Variants in PIEZO1 observed in about 807,000 individuals in gnomAD.
PIEZO1 encodes the protein piezo type mechanosensitive ion channel component 1 (Er blood group).
Under a neutral mutation model 297.2 loss-of-function variants are expected in PIEZO1, and 296 were observed. That is an observed-to-expected ratio of 1.00 (90% CI 0.91 to 1.10). The LOEUF (loss-of-function observed/expected upper bound fraction) is 1.10. PIEZO1 is among the 50% of genes least tolerant of loss of function. The pLI, the probability that PIEZO1 is intolerant of heterozygous loss-of-function variation, is 0.00. For missense variants in PIEZO1, 5,018 were observed against 3,455.5 expected (o/e 1.45, Z -11.34); for synonymous variants, 2,427 against 1,507.5 (o/e 1.61, Z -14.13).
intron 1 of PIEZO1, among the ~76,000 whole-genome samples, chr16:88,760,504 G>C (rs912861503): frequency 2.6e-5 from 4 of 152,272 alleles, no homozygotes; most frequent in Admixed American, 1.3e-4. Flanking sequence ...TTTGTCCAAA[G>C]GCAACAGTGG....
At position 88,734,770 on chromosome 16, in the gene PIEZO1, A is replaced by G. The variant is rs1451236933; in HGVS notation, c.1877T>C (p.Leu626Pro). 1 of 1,550,246 alleles carries G rather than the reference A, an allele frequency of 6.5e-7. No homozygotes were observed. Among genetic ancestry groups the G allele is most frequent in the Admixed American group, 2.0e-5 (1 of 51,010 alleles). ...CACCACGAGCCACCAGAAGGCCTTG[A>G]GCAGCTTCCGCCACAGGCTGTAGTA... ...QVYYSLWRKL[L>P]KAFWWLVVAY... The change falls in exon 15 of 51, where the codon CTC (leucine) becomes CCC (proline). Residue 626 changes from leucine (L) to proline (P), a missense_variant. Coordinates refer to ENST00000301015, the MANE Select transcript of PIEZO1 (RefSeq NM_001142864.4).
intron 1 of PIEZO1, among the ~76,000 whole-genome samples, chr16:88,776,578 G>A (rs1907675974): frequency 6.6e-6 from 1 of 152,194 alleles, no homozygotes; most frequent in East Asian, 1.9e-4. Flanking sequence ...GGGGAGGAAG[G>A]GGAGAGGCTG....
Position 88,722,569 on chromosome 16 carries a change from AC to A in PIEZO1, c.4775+13del. On this transcript the variant is annotated intron_variant, in intron 35 of 50. Coordinates refer to ENST00000301015, the MANE Select transcript of PIEZO1 (RefSeq NM_001142864.4). ...AGGGGCAGCAGCTGGGGCTCGGGTC[AC>A]CCCCGCACCTACCTGGACACGGTGC... is the stretch of plus-strand genomic sequence containing the variant. 2.0e-6 allele frequency: 3 copies of A among 1,492,640 alleles called. No homozygotes were observed. The highest frequency in any genetic ancestry group is 1.8e-6 in the Non-Finnish European group (2 of 1,116,894). The allele number at this position is 1,492,640 out of a possible 1,614,324, so 92.5% of individuals were successfully genotyped here.
At chr16:88,744,536 G>A (rs1011057318) in intron 2 of PIEZO1, among the ~76,000 whole-genome samples, 1 of 151,460 alleles carries the variant, frequency 6.6e-6, no homozygotes, top group Admixed American at 6.6e-5. Flanking sequence ...CCCTGGGCAG[G>A]GAGGGGCTCT....
chr16:88,748,660 G>C (rs1320576871), intron 2 of PIEZO1, among the ~76,000 whole-genome samples: 1 of 152,130 alleles, frequency 6.6e-6, no homozygotes, highest in African/African-American at 2.4e-5. Flanking sequence ...CACTCCCTGT[G>C]GCCTCCCAAG....
Position 88,737,651 on chromosome 16 carries a change from G to A in PIEZO1, c.1108-5C>T, listed in dbSNP as rs576983834. 69 of 1,534,482 alleles carry A rather than the reference G, an allele frequency of 4.5e-5. No individual in the cohort carries two copies. The highest frequency in any genetic ancestry group is 1.2e-4 in the Admixed American group (6 of 50,996). On this transcript the variant is annotated splice_polypyrimidine_tract_variant and splice_region_variant and intron_variant, in intron 9 of 50. Coordinates refer to ENST00000301015, the MANE Select transcript of PIEZO1 (RefSeq NM_001142864.4). ...GGGTGCTGTGGGCACCACGTGCTGT[G>A]GGCAAGCAGCGCTGAGCCATGCACG...
At chr16:88,723,410 G>T in intron 31 of PIEZO1, 82 bp from the exon 32 acceptor site, 1 of 1,463,896 alleles carries the variant, frequency 6.8e-7, no homozygotes, top group Non-Finnish European at 9.2e-7. Context: ...CAAGCCGGGC[G>T]CCAGATCCAG....
At position 88,720,705 on chromosome 16, in the gene PIEZO1, C is replaced by G; in HGVS notation, c.5712G>C (p.Glu1904Asp). ...REEEEGEEEKEAPTGREKRPS... is the reference protein window; with the variant it reads ...REEEEGEEEKDAPTGREKRPS... ...GCCTCTTCTCTCTCCCCGTGGGGGC[C>G]TCTTTCTCTTCCTCCCCCTCTTCTT... Residue 1904 changes from glutamate (E) to aspartate (D), a missense_variant, in exon 40 of 51, where the codon GAG becomes GAC. Coordinates refer to ENST00000301015, the MANE Select transcript of PIEZO1 (RefSeq NM_001142864.4). 6.5e-7 allele frequency: 1 copy of G among 1,534,996 alleles called. No individual in the cohort carries two copies.
At chr16:88,779,412 G>A (rs1314039479) in intron 1 of PIEZO1, among the ~76,000 whole-genome samples, 1 of 152,184 alleles carries the variant, frequency 6.6e-6, no homozygotes, top group Non-Finnish European at 1.5e-5. Flanking sequence ...TTCCCCGCCT[G>A]TGCTCAGCAT....
Position 88,725,384 on chromosome 16 carries a change from GGCCCTGGGT to G in PIEZO1, c.4162+23_4162+31del. 3.9e-6 allele frequency: 5 copies of G among 1,275,370 alleles called. No individual in the cohort carries two copies. In the South Asian group the frequency reaches 7.7e-5, roughly 20 times the overall value. The allele number at this position is 1,275,370 out of a possible 1,614,324, so 79.0% of individuals were successfully genotyped here. A position where few individuals can be genotyped will look rare whatever the true frequency, so the allele number is the denominator to read the frequency against. ...GCAGGCACAGACATGCTGGACACGG[GGCCCTGGGT>G]GCCCGACTCCAGCTGCACTCACCTG... On this transcript the variant is annotated intron_variant, in intron 29 of 50. Coordinates refer to ENST00000301015, the MANE Select transcript of PIEZO1 (RefSeq NM_001142864.4).
intron 22 of PIEZO1, among the ~76,000 whole-genome samples, chr16:88,728,453 G>A (rs988937219): frequency 1.1e-4 from 17 of 150,198 alleles, no homozygotes; most frequent in Admixed American, 7.9e-4. Context: ...TGCCACAGAG[G>A]GAACCTCGCG....
intron 1 of PIEZO1, among the ~76,000 whole-genome samples, chr16:88,777,483 GTCC>G (rs1907719423): frequency 1.3e-5 from 2 of 151,954 alleles, no homozygotes; most frequent in Admixed American, 6.6e-5. Context: ...ACATTGCGGG[GTCC>G]TCATTGTCAC....
chr16:88,730,810 G>A (rs753842992), intron 22 of PIEZO1, among the ~76,000 whole-genome samples: 18 of 152,308 alleles, frequency 1.2e-4, no homozygotes, highest in Admixed American at 2.0e-4. Flanking sequence ...CAGGGTCTGC[G>A]GATGACAGAA....
At chr16:88,780,315 C>T (rs1400129313) in intron 1 of PIEZO1, among the ~76,000 whole-genome samples, 3 of 152,266 alleles carry the variant, frequency 2.0e-5, no homozygotes, top group African/African-American at 7.2e-5. Context: ...GCTCAACAGC[C>T]GCACCCTGAA....
At chr16:88,738,529 C>G (rs567935600) in intron 6 of PIEZO1, 39 bp downstream of exon 6, 11 of 1,530,858 alleles carry the variant, frequency 7.2e-6, no homozygotes, top group Non-Finnish European at 9.6e-6. Flanking sequence ...CAAGACCCCT[C>G]CCAGTGTGAC....
Position 88,725,645 on chromosome 16 carries a change from A to T in PIEZO1, c.4008T>A (p.Ile1336=), listed in dbSNP as rs746600668. ...ALYNAANLKS[I]DFHRRIEEKS... ...TCTCCTCTATCCTGCGGTGAAAGTCAATGCTCTTGAGGTTGGCAGCGTTGT... is the reference window on the plus strand; with the variant it reads ...TCTCCTCTATCCTGCGGTGAAAGTCTATGCTCTTGAGGTTGGCAGCGTTGT... Residue 1336 remains isoleucine (I), a synonymous_variant, in exon 28 of 51, where the codon ATT becomes ATA. Coordinates refer to ENST00000301015, the MANE Select transcript of PIEZO1 (RefSeq NM_001142864.4). 2.0e-5 allele frequency: 31 copies of T among 1,549,428 alleles called. No individual in the cohort carries two copies. The highest frequency in any genetic ancestry group is 1.7e-4 in the Middle Eastern group (1 of 6,006).
At chr16:88,784,502 A>C (rs1293067426) in intron 1 of PIEZO1, among the ~76,000 whole-genome samples, 1 of 151,698 alleles carries the variant, frequency 6.6e-6, no homozygotes, top group Non-Finnish European at 1.5e-5. Context: ...TTTTTTTTAA[A>C]CCCGAAAGAG....
intron 44 of PIEZO1, chr16:88,717,980 G>T (rs1912171178): frequency 3.0e-6 from 1 of 336,838 alleles, no homozygotes; most frequent in African/African-American, 2.2e-5. Context: ...CTACTCGGGA[G>T]GCTGAGGTGG....
Position 88,722,262 on chromosome 16 carries a change from C to CAG in PIEZO1, c.4909_4910dup (p.Tyr1638CysfsTer5). On this transcript the variant is annotated frameshift_variant, in exon 36 of 51. Coordinates refer to ENST00000301015, the MANE Select transcript of PIEZO1 (RefSeq NM_001142864.4). LOFTEE classifies it high-confidence loss of function. The stretch of plus-strand genomic sequence containing the variant: ...TGGCCGTCCGCATCAGTCCCTGGTA[C>CAG]AGAGAGGCACCAGCCTCACGCTCCC... The CAG allele has an allele frequency of 6.5e-7, 1 of 1,548,426 alleles. No individual in the cohort carries two copies. Among genetic ancestry groups the CAG allele is most frequent in the South Asian group, 1.2e-5 (1 of 84,044 alleles).
Sources: gnomAD v4.1 joint callset for allele counts (sites outside exome capture counted in the v4.1 genomes callset) on GRCh38, gnomAD v4.1.1 for gene constraint, MANE v1.5 for transcripts, NCBI Gene and HGNC (gene_info 2026-07-23, HGNC 2026-07-21) for gene names.